Variants in CRMP1 observed in about 807,000 individuals in gnomAD.
The protein encoded by CRMP1 is dihydropyrimidinase-related protein 1.
CRMP1 carries 19 observed loss-of-function variants against 68.3 expected under a neutral mutation model. That is an observed-to-expected ratio of 0.28 (90% CI 0.19 to 0.41). CRMP1 has a LOEUF of 0.41. CRMP1 is among the 10% of genes least tolerant of loss of function. The pLI is 1.00. For synonymous variants in CRMP1, 439 were observed against 399.6 expected (o/e 1.10, Z -1.18); for missense variants, 791 against 967.4 (o/e 0.82, Z 2.42).
intron 3 of CRMP1, among the ~76,000 whole-genome samples, chr4:5,857,115 A>C (rs200588900): frequency 2.7e-4 from 38 of 139,366 alleles, no homozygotes; most frequent in Admixed American, 1.2e-3. Flanking sequence ...CCACCACCAC[A>C]ATCATCACCA....
At chr4:5,874,195 C>A (rs1714653561) in intron 1 of CRMP1, among the ~76,000 whole-genome samples, 1 of 152,126 alleles carries the variant, frequency 6.6e-6, no homozygotes, top group South Asian at 2.1e-4. Context: ...AAGATGCGAT[C>A]CAGAATTAAT....
Position 5,856,291 on chromosome 4 carries a change from A to G in CRMP1, c.672T>C (p.Pro224=), listed in dbSNP as rs1234818004. Residue 224 remains proline, a synonymous_variant, in exon 4 of 14, where the codon CCT becomes CCC. Transcript: ENST00000324989. ...GTTMIIDHVV[P]EPGSSLLTSF... Reference sequence around the variant, plus strand: ...AGGTCAGTAGGCTGGACCCAGGTTCAGGAACAACATGGTCAACTGGGACAG... The same window carrying G: ...AGGTCAGTAGGCTGGACCCAGGTTCGGGAACAACATGGTCAACTGGGACAG... 24 of 1,613,626 alleles carry G rather than the reference A, an allele frequency of 1.5e-5. No individual in the cohort carries two copies. The highest frequency in any genetic ancestry group is 1.9e-5 in the Non-Finnish European group (23 of 1,179,758).
In CRMP1 at chr4:5,834,410, G is replaced by A. The variant is rs73797914; in HGVS notation, c.1623+1505C>T. Among the ~76,000 whole-genome samples, 14,618 of 152,206 alleles carry A rather than the reference G, an allele frequency of 0.096. 1,324 individuals carry two copies. The highest frequency in any genetic ancestry group is 0.24 in the African/African-American group (9,916 of 41,494). On this transcript the variant is annotated intron_variant, in intron 11 of 13. Transcript: ENST00000324989. This position sits in a 1 kb window ranked among gnomAD's most constrained non-coding sequence, Gnocchi z 4.3. The stretch of plus-strand genomic sequence containing the variant: ...GGCTTGTTATAAAAGCAAATTCAGC[G>A]TCCTCTTGATACTTCTTTCACACTT...
At chr4:5,833,546 T>TA (rs1339944891) in intron 11 of CRMP1, among the ~76,000 whole-genome samples, 1 of 123,450 alleles carries the variant, frequency 8.1e-6, no homozygotes, top group Admixed American at 7.2e-5. Flanking sequence ...AGAGGAAACT[T>TA]ACACATGTGT....
intron 6 of CRMP1, among the ~76,000 whole-genome samples, chr4:5,846,268 T>C (rs1712189666): frequency 6.6e-6 from 1 of 152,142 alleles, no homozygotes; most frequent in African/African-American, 2.4e-5. Context: ...TGTACTCCAG[T>C]GTGGATGACA....
rs1008292389 is a variant in CRMP1 at position 5,866,978 on chromosome 4, G to A, written c.382-222C>T. Among the ~76,000 whole-genome samples, 1 of 152,208 alleles carries A rather than the reference G, an allele frequency of 6.6e-6. No individual in the cohort carries two copies. On this transcript the variant is annotated intron_variant, in intron 1 of 13. Transcript: ENST00000324989. The surrounding 1 kb of genome is among the most constrained non-coding windows in gnomAD (Gnocchi z 5.9). Reference sequence around the variant, plus strand: ...CACTTTGTTTTGTTTTTGCTGAGGTGTTTTAAAACAAAGCACAAGCACTGT... The same window carrying A: ...CACTTTGTTTTGTTTTTGCTGAGGTATTTTAAAACAAAGCACAAGCACTGT...
Position 5,890,392 on chromosome 4 carries a change from C to G in CRMP1, c.381+2197G>C, listed in dbSNP as rs907545949. Among the ~76,000 whole-genome samples, 13 of 152,336 alleles carry G rather than the reference C, an allele frequency of 8.5e-5. No individual in the cohort carries two copies. In the South Asian group the frequency reaches 1.9e-3, roughly 22 times the overall value. On this transcript the variant is annotated intron_variant, in intron 1 of 13. Coordinates refer to ENST00000324989, the MANE Select transcript of CRMP1 (RefSeq NM_001014809.3). The surrounding 1 kb of genome is among the most constrained non-coding windows in gnomAD (Gnocchi z 5.5). ...ATCCTTGCGCCTGCGCCGCAGAAAC[C>G]CCTCCTGCAGCCCAGGGAGAAGCCT...
intron 1 of CRMP1, among the ~76,000 whole-genome samples, chr4:5,876,410 C>G (rs553416208): frequency 6.6e-6 from 1 of 152,102 alleles, no homozygotes; most frequent in Admixed American, 6.5e-5. Flanking sequence ...TCAGAGGCCA[C>G]GCAAATTCAG....
rs1560470242 is a variant in CRMP1 at position 5,821,835 on chromosome 4, GTCA to G, written c.1983_1985del (p.Asp662del). ...GGTGGCCGGTGCGCCTGGGATTGTT[GTCA>G]TCTATCTGGGCACCTGAAAGAGAGC... On this transcript the variant is annotated inframe_deletion, in exon 14 of 14. Coordinates refer to ENST00000324989, the MANE Select transcript of CRMP1 (RefSeq NM_001014809.3). The surrounding 1 kb of genome is among the most constrained non-coding windows in gnomAD (Gnocchi z 4.4). 2 of 1,592,068 alleles carry G rather than the reference GTCA, an allele frequency of 1.3e-6. No homozygotes were observed. Among genetic ancestry groups the G allele is most frequent in the Non-Finnish European group, 1.7e-6 (2 of 1,171,946 alleles).
rs555860845 is a variant in CRMP1 at position 5,864,696 on chromosome 4, A to G, written c.470+1972T>C. ...CCCCACACCGTCTTGGGGTCAAGGA[A>G]GGCTTCCTGGAGGAGGAGTCGCATG... On this transcript the variant is annotated intron_variant, in intron 2 of 13. Transcript: ENST00000324989. Among the ~76,000 whole-genome samples, 4 of 152,266 alleles carry G rather than the reference A, an allele frequency of 2.6e-5. No individual in the cohort carries two copies. In the East Asian group the frequency reaches 7.8e-4, roughly 30 times the overall value.
intron 8 of CRMP1, among the ~76,000 whole-genome samples, chr4:5,840,118 A>G (rs1296256667): frequency 6.6e-6 from 1 of 152,322 alleles, no homozygotes; most frequent in African/African-American, 2.4e-5. Flanking sequence ...AGGAAGTGAC[A>G]TAAGGCAGGG....
Position 5,843,869 on chromosome 4 carries a change from T to C in CRMP1, c.964-708A>G, listed in dbSNP as rs1711982086. Reference sequence around the variant, plus strand: ...GGAAACCACTACCTGAAACTTATCATATAACCTTGAAATGGTTCCCTGGGC... The same window carrying C: ...GGAAACCACTACCTGAAACTTATCACATAACCTTGAAATGGTTCCCTGGGC... On this transcript the variant is annotated intron_variant, in intron 6 of 13. Coordinates refer to ENST00000324989, the MANE Select transcript of CRMP1 (RefSeq NM_001014809.3). The surrounding 1 kb of genome is among the most constrained non-coding windows in gnomAD (Gnocchi z 4.1). 6.6e-6 allele frequency among the ~76,000 whole-genome samples: 1 copy of C among 152,122 alleles called. No individual in the cohort carries two copies. Among genetic ancestry groups the C allele is most frequent in the Non-Finnish European group, 1.5e-5 (1 of 68,028 alleles).
At position 5,861,598 on chromosome 4, in the gene CRMP1, CAGG is replaced by C. The variant is rs1238984752; in HGVS notation, c.471-391_471-389del. On this transcript the variant is annotated intron_variant, in intron 2 of 13. Coordinates refer to ENST00000324989, the MANE Select transcript of CRMP1 (RefSeq NM_001014809.3). This position sits in a 1 kb window ranked among gnomAD's most constrained non-coding sequence, Gnocchi z 6.0. ...GTAACAGGTGCCTGAAAACTTCCTC[CAGG>C]AGGTTAAATTCCAAATGGGGAAGGA... Among the ~76,000 whole-genome samples, 1 of 152,124 alleles carries C rather than the reference CAGG, an allele frequency of 6.6e-6. No individual in the cohort carries two copies. Among genetic ancestry groups the C allele is most frequent in the East Asian group, 1.9e-4 (1 of 5,178 alleles).
At position 5,856,063 on chromosome 4, in the gene CRMP1, G is replaced by T. The variant is rs375993735; in HGVS notation, c.820+80C>A. ...GGCTCAGAACAGATGCAGACAGGGG[G>T]ATTTTTCACTCCACATAATCTTTGG... On this transcript the variant is annotated intron_variant, in intron 4 of 13. Coordinates refer to ENST00000324989, the MANE Select transcript of CRMP1 (RefSeq NM_001014809.3). 8.2e-5 allele frequency: 125 copies of T among 1,532,614 alleles called. 1 individual carries two copies. In the South Asian group the frequency reaches 1.5e-3, roughly 18 times the overall value. 94.9% of individuals were successfully genotyped at this position (1,532,614 alleles called of 1,614,324 possible).
chr4:5,825,709 C>G lies in CRMP1; in HGVS notation c.1804-50G>C. 1 of 1,582,378 alleles carries G rather than the reference C, an allele frequency of 6.3e-7. No homozygotes were observed. The highest frequency in any genetic ancestry group is 2.3e-5 in the East Asian group (1 of 44,030). On this transcript the variant is annotated intron_variant, in intron 12 of 13. Coordinates refer to ENST00000324989, the MANE Select transcript of CRMP1 (RefSeq NM_001014809.3). This position sits in a 1 kb window ranked among gnomAD's most constrained non-coding sequence, Gnocchi z 4.4. ...ATTGATCGACACTGTGCATGTGTGC[C>G]CTTCTGGGCAGATAAAGCAGAGCCC...
chr4:5,827,117 C>G (rs1719756877), intron 12 of CRMP1, among the ~76,000 whole-genome samples: 1 of 152,184 alleles, frequency 6.6e-6, no homozygotes, highest in Admixed American at 6.5e-5. Flanking sequence ...TGCAATGGGA[C>G]CCCCCGATCC....
At chr4:5,839,961 T>C (rs1711588382) in intron 8 of CRMP1, among the ~76,000 whole-genome samples, 1 of 152,224 alleles carries the variant, frequency 6.6e-6, no homozygotes, top group South Asian at 2.1e-4. Context: ...GATTTGGACA[T>C]TATTATGTCC....
rs1714037428 is a variant in CRMP1, at chr4:5,866,903, A to G, written c.382-147T>C. On this transcript the variant is annotated intron_variant, in intron 1 of 13. Transcript: ENST00000324989. The surrounding 1 kb of genome is among the most constrained non-coding windows in gnomAD (Gnocchi z 5.9). ...CGCCCCAGATCCATCACCAGCTTCA[A>G]TACTTCTCTATCCAATACTTCCTAT... 1 of 571,060 alleles carries G rather than the reference A, an allele frequency of 1.8e-6. No individual in the cohort carries two copies. The allele number at this position is 571,060 out of a possible 1,614,324, so 35.4% of individuals were successfully genotyped here.
rs562659586 is a variant in CRMP1, at chr4:5,870,408, A to G, written c.382-3652T>C. ...TACCCCACTGGCAGTGCAGGACACA[A>G]CTCCCCAGGGGACGCATGACACAGG... On this transcript the variant is annotated intron_variant, in intron 1 of 13. Transcript: ENST00000324989. This position sits in a 1 kb window ranked among gnomAD's most constrained non-coding sequence, Gnocchi z 6.0. Among the ~76,000 whole-genome samples, 4 of 152,098 alleles carry G rather than the reference A, an allele frequency of 2.6e-5. No individual in the cohort carries two copies. In the South Asian group the frequency reaches 8.3e-4, roughly 32 times the overall value.
Sources: gnomAD v4.1 joint callset for allele counts (sites outside exome capture counted in the v4.1 genomes callset) on GRCh38, gnomAD v4.1.1 for gene constraint, Gnocchi (gnomAD v3.1) non-coding constraint, MANE v1.5 for transcripts, NCBI Gene and HGNC (gene_info 2026-07-23, HGNC 2026-07-21) for gene names.